GABRA3: variants seen among roughly 807,000 people sequenced by gnomAD.
GABRA3 encodes gamma-aminobutyric acid type A receptor subunit alpha3.
Under a neutral mutation model 30.1 loss-of-function variants are expected in GABRA3, and 10 were observed. The ratio of observed to expected loss-of-function variants is 0.33; its 90% confidence interval spans 0.20 to 0.56. The LOEUF is 0.56. Ranked by LOEUF, GABRA3 falls within the 20% of genes least tolerant of loss-of-function variation. The pLI, the probability that GABRA3 is intolerant of heterozygous loss-of-function variation, is 0.89. For synonymous variants in GABRA3, 151 were observed against 146.8 expected (o/e 1.03, Z -0.21); for missense variants, 233 against 392.0 (o/e 0.59, Z 3.42).
intron 3 of GABRA3, among the ~76,000 whole-genome samples, chrX:152,295,244 C>G (rs1939505554): frequency 8.9e-6 from 1 of 112,394 alleles, no homozygotes; most frequent in South Asian, 3.7e-4. Flanking sequence ...GTCAGATGGA[C>G]GTTTAAGTCT....
chrX:152,193,186 G>A lies in GABRA3; in HGVS notation c.932-3245C>T, dbSNP rs181747050. ...TTCCCATCTCCCCAAAGATTCCTTT[G>A]TGCCCATGCCATCCCCTCCTTGGTC... On this transcript the variant is annotated intron_variant, in intron 8 of 9. Coordinates refer to ENST00000370314, the MANE Select transcript of GABRA3 (RefSeq NM_000808.4). 5.4e-5 allele frequency among the ~76,000 whole-genome samples: 6 copies of A among 110,925 alleles called. No homozygotes were observed. The East Asian group carries it at 1.7e-3, about 32-fold the overall frequency.
chrX:152,198,589 C>T (rs1038565538), intron 7 of GABRA3, among the ~76,000 whole-genome samples: 1 of 111,920 alleles, frequency 8.9e-6, no homozygotes, highest in African/African-American at 3.3e-5. Flanking sequence ...TCCTTCTTCC[C>T]TCTTGTAATC....
intron 3 of GABRA3, among the ~76,000 whole-genome samples, chrX:152,330,827 ACCC>A (rs1940153702): frequency 9.0e-6 from 1 of 111,444 alleles, no homozygotes; most frequent in African/African-American, 3.3e-5. Context: ...GTCCACATGT[ACCC>A]TAGAACTTAA....
chrX:152,232,085 A>C (rs1269372512), intron 5 of GABRA3, among the ~76,000 whole-genome samples: 1 of 111,712 alleles, frequency 9.0e-6, no homozygotes, highest in Non-Finnish European at 1.9e-5. Context: ...TTACAGTTGC[A>C]CAATTCTATA....
intron 1 of GABRA3, among the ~76,000 whole-genome samples, chrX:152,404,732 TTTATTATTATTATTATTATTATTA>T (rs201230420): frequency 2.0e-4 from 13 of 65,900 alleles, no homozygotes; most frequent in Admixed American, 1.4e-3. Context: ...CAGGAAGTCA[TTTATTATTATTATTATTATTATTA>T]TTATTATTAT....
chrX:152,179,891 G>A (rs745907502), intron 9 of GABRA3, among the ~76,000 whole-genome samples: 5 of 111,240 alleles, frequency 4.5e-5, no homozygotes, highest in African/African-American at 1.3e-4. Flanking sequence ...TAAATGACAG[G>A]GTTTCCTTCT....
At chrX:152,437,666 C>T (rs1423590014) in intron 1 of GABRA3, among the ~76,000 whole-genome samples, 3 of 111,751 alleles carry the variant, frequency 2.7e-5, no homozygotes, top group East Asian at 2.8e-4. Flanking sequence ...TAGATGAATA[C>T]GTCAGTGGAA....
intron 4 of GABRA3, among the ~76,000 whole-genome samples, chrX:152,269,094 C>T (rs186827039): frequency 9.0e-6 from 1 of 111,401 alleles, no homozygotes; most frequent in African/African-American, 3.3e-5. Flanking sequence ...TGATCTTATA[C>T]CTAGAAATAC....
chrX:152,249,079 A>G (rs769127329), intron 5 of GABRA3, among the ~76,000 whole-genome samples: 3 of 111,147 alleles, frequency 2.7e-5, no homozygotes, highest in Non-Finnish European at 5.7e-5. Flanking sequence ...TAGGTATGCT[A>G]TTTGGCTATA....
intron 9 of GABRA3, among the ~76,000 whole-genome samples, chrX:152,169,232 C>T (rs140299925): frequency 0.013 from 1,418 of 112,502 alleles, 28 homozygotes; most frequent in African/African-American, 0.043. Flanking sequence ...AAAGACAATA[C>T]ATACCATGGC....
chrX:152,205,587 A>G (rs1937529890), intron 7 of GABRA3, among the ~76,000 whole-genome samples: 1 of 111,824 alleles, frequency 8.9e-6, no homozygotes, highest in Non-Finnish European at 1.9e-5. Flanking sequence ...GATTATCATC[A>G]TTGTCAACTA....
At position 152,279,598 on chromosome X, in the gene GABRA3, T is replaced by C. The variant is rs761483192; in HGVS notation, c.330+5070A>G. 2.7e-5 allele frequency among the ~76,000 whole-genome samples: 3 copies of C among 111,437 alleles called. No homozygotes were observed. The Admixed American group carries it at 2.9e-4, about 11-fold the overall frequency. Reference sequence around the variant, plus strand: ...AGGATTGACTTGGCAATGCGGGCTTTTTTTTGGTTCCATATGAAATTTAAA... The same window carrying C: ...AGGATTGACTTGGCAATGCGGGCTTCTTTTTGGTTCCATATGAAATTTAAA... On this transcript the variant is annotated intron_variant, in intron 4 of 9. Transcript: ENST00000370314.
chrX:152,201,704 G>A (rs1251224906), intron 7 of GABRA3, among the ~76,000 whole-genome samples: 1 of 111,965 alleles, frequency 8.9e-6, no homozygotes, highest in Non-Finnish European at 1.9e-5. Flanking sequence ...GGATTTTTTA[G>A]CTTGGCAAAT....
At chrX:152,224,207 A>T (rs1435422231) in intron 6 of GABRA3, among the ~76,000 whole-genome samples, 1 of 112,001 alleles carries the variant, frequency 8.9e-6, no homozygotes, top group East Asian at 2.8e-4. Context: ...TTCAATGTTG[A>T]TTTTTCTAAT....
At chrX:152,203,217 T>C (rs909037718) in intron 7 of GABRA3, among the ~76,000 whole-genome samples, 6 of 111,853 alleles carry the variant, frequency 5.4e-5, no homozygotes, top group African/African-American at 3.3e-5. Flanking sequence ...CCTACTTCCA[T>C]AGGCACAATG....
intron 1 of GABRA3, among the ~76,000 whole-genome samples, chrX:152,401,719 T>C (rs1377224674): frequency 9.0e-6 from 1 of 111,686 alleles, no homozygotes; most frequent in Non-Finnish European, 1.9e-5. Context: ...GAGTTGTTGT[T>C]TGATGCCTCC....
chrX:152,263,408 G>A (rs190866331), intron 4 of GABRA3, among the ~76,000 whole-genome samples: 36 of 110,049 alleles, frequency 3.3e-4, no homozygotes, highest in African/African-American at 1.1e-3. Flanking sequence ...AGAAATTCTC[G>A]AACTGAAAAA....
At chrX:152,229,841 A>G (rs759359932) in intron 5 of GABRA3, among the ~76,000 whole-genome samples, 8 of 111,431 alleles carry the variant, frequency 7.2e-5, no homozygotes, top group African/African-American at 2.6e-4. Context: ...CTTTATAGAG[A>G]AAAAGTTAAA....
At chrX:152,274,150 A>C (rs1938998915) in intron 4 of GABRA3, among the ~76,000 whole-genome samples, 1 of 111,790 alleles carries the variant, frequency 8.9e-6, no homozygotes, top group Non-Finnish European at 1.9e-5. Context: ...AAAAAGTAAC[A>C]ACTCTAACTT....
Sources: allele counts gnomAD v4.1 joint callset (sites outside exome capture counted in the v4.1 genomes callset), GRCh38; gene constraint gnomAD v4.1.1; transcripts MANE v1.5; gene names NCBI Gene and HGNC (gene_info 2026-07-23, HGNC 2026-07-21).